Variants in FARP1 observed in about 807,000 individuals in gnomAD.
The protein encoded by FARP1 is FERM, ARHGEF and pleckstrin domain-containing protein 1.
Under a neutral mutation model 128.8 loss-of-function variants are expected in FARP1, and 52 were observed. The ratio of observed to expected loss-of-function variants is 0.40; its 90% CI spans 0.32 to 0.51. The LOEUF (loss-of-function observed/expected upper bound fraction) is 0.51, where lower values mean the gene tolerates loss of function less well. FARP1 is among the 20% of genes least tolerant of loss of function. The probability of loss-of-function intolerance (pLI) is 0.45; values close to 1 mark genes in which losing one functional copy is unlikely to be tolerated. For synonymous variants in FARP1, 580 were observed against 551.8 expected, an observed-to-expected ratio of 1.05 and a Z score of -0.72; for missense variants, 1,333 against 1,367.9, an observed-to-expected ratio of 0.97 and a Z score of 0.40.
intron 1 of FARP1, among the ~76,000 whole-genome samples, chr13:98,207,212 T>C (rs1350378265): frequency 6.6e-6 from 1 of 152,134 alleles, no homozygotes; most frequent in Non-Finnish European, 1.5e-5. Context: ...AGAGAGAAAG[T>C]ATGACATACT....
intron 3 of FARP1, among the ~76,000 whole-genome samples, chr13:98,350,420 C>T (rs1888367512): frequency 6.6e-6 from 1 of 152,150 alleles, no homozygotes; most frequent in Non-Finnish European, 1.5e-5. Flanking sequence ...CTTACAGTGT[C>T]CCCCGTTACT....
chr13:98,249,258 G>A (rs1314366789), intron 2 of FARP1, among the ~76,000 whole-genome samples: 7 of 152,150 alleles, frequency 4.6e-5, no homozygotes, highest in South Asian at 2.1e-4. Flanking sequence ...GGTATCTTTT[G>A]TGATGCTTTA....
intron 3 of FARP1, among the ~76,000 whole-genome samples, chr13:98,364,294 C>T (rs1409496295): frequency 2.0e-5 from 3 of 152,130 alleles, no homozygotes; most frequent in Non-Finnish European, 2.9e-5. Context: ...AAGATGGTGC[C>T]TGCTTCCCTG....
At chr13:98,210,165 A>G (rs1959191858) in intron 1 of FARP1, among the ~76,000 whole-genome samples, 1 of 152,034 alleles carries the variant, frequency 6.6e-6, no homozygotes, top group South Asian at 2.1e-4. Context: ...AATGTGAGTG[A>G]GACGCAGCTC....
chr13:98,395,984 T>G lies in FARP1; in HGVS notation c.1414+508T>G, dbSNP rs932788014. On this transcript the variant is annotated intron_variant, in intron 13 of 26. Coordinates refer to ENST00000319562, the MANE Select transcript of FARP1 (RefSeq NM_005766.4). ...GAGGGGAGTATGGGAGAAGACACTCTCCCGGACCAGGGTCCTCCTTATGAA... is the reference window on the plus strand; with the variant it reads ...GAGGGGAGTATGGGAGAAGACACTCGCCCGGACCAGGGTCCTCCTTATGAA... 1.4e-4 allele frequency: 55 copies of G among 399,032 alleles called. No homozygotes were observed. In the Middle Eastern group the frequency reaches 1.9e-3, roughly 14 times the overall value. 24.7% of individuals were successfully genotyped at this position (399,032 alleles called of 1,614,324 possible). A position where few individuals can be genotyped will look rare whatever the true frequency, so the allele number is the denominator to read the frequency against.
At chr13:98,224,495 C>G (rs1881621005) in intron 2 of FARP1, among the ~76,000 whole-genome samples, 1 of 140,314 alleles carries the variant, frequency 7.1e-6, no homozygotes, top group African/African-American at 2.7e-5. Context: ...CCACTGCACT[C>G]CAGCCTGGGC....
At chr13:98,347,592 C>G (rs1888234232) in intron 3 of FARP1, among the ~76,000 whole-genome samples, 1 of 152,206 alleles carries the variant, frequency 6.6e-6, no homozygotes, top group Non-Finnish European at 1.5e-5. Flanking sequence ...AGGCCAAATA[C>G]CATTTCCATT....
At chr13:98,228,754 A>C (rs1881939991) in intron 2 of FARP1, among the ~76,000 whole-genome samples, 1 of 152,124 alleles carries the variant, frequency 6.6e-6, no homozygotes, top group Non-Finnish European at 1.5e-5. Flanking sequence ...AGATTACCTA[A>C]TTCTAAGGAT....
At position 98,390,793 on chromosome 13, in the gene FARP1, G is replaced by A; in HGVS notation, c.1020-19G>A. On this transcript the variant is annotated intron_variant, in intron 10 of 26. Coordinates refer to ENST00000319562, the MANE Select transcript of FARP1 (RefSeq NM_005766.4). The stretch of plus-strand genomic sequence containing the variant: ...TGCCTTGGTATTTCTCCCCTTCCCT[G>A]TTGTGGTCTCTGTTTCAGTGGTCGG... 1 of 1,600,582 alleles carries A rather than the reference G, an allele frequency of 6.2e-7. No individual in the cohort carries two copies. The highest frequency in any genetic ancestry group is 8.6e-7 in the Non-Finnish European group (1 of 1,167,874).
chr13:98,402,895 T>C (rs551183716), intron 13 of FARP1: 15 of 152,240 alleles, frequency 9.9e-5, no homozygotes, highest in Non-Finnish European at 1.5e-4. Flanking sequence ...TAGAAAAGGC[T>C]GGGGACTTCA....
chr13:98,342,872 A>T (rs1474372189), intron 2 of FARP1, among the ~76,000 whole-genome samples: 1 of 151,674 alleles, frequency 6.6e-6, no homozygotes, highest in Non-Finnish European at 1.5e-5. Flanking sequence ...TAAAAATATA[A>T]AATTAGCTTG....
chr13:98,323,680 T>G (rs1047683747), intron 2 of FARP1, among the ~76,000 whole-genome samples: 3 of 152,098 alleles, frequency 2.0e-5, no homozygotes, highest in African/African-American at 7.3e-5. Flanking sequence ...GTCATTAACT[T>G]TTTACTTTTA....
intron 2 of FARP1, among the ~76,000 whole-genome samples, chr13:98,298,238 C>T (rs1885782467): frequency 6.6e-6 from 1 of 152,174 alleles, no homozygotes; most frequent in Non-Finnish European, 1.5e-5. Flanking sequence ...CTTGGTTATC[C>T]CATTTTGCCA....
In FARP1 at chr13:98,411,982, C is replaced by T. The variant is rs1891210124; in HGVS notation, c.1774C>T (p.His592Tyr). The T allele has an allele frequency of 6.2e-7, 1 of 1,614,000 alleles. No homozygotes were observed. The highest frequency in any genetic ancestry group is 8.5e-7 in the Non-Finnish European group (1 of 1,179,850). Residue 592 changes from histidine (H) to tyrosine (Y), a missense_variant, in exon 16 of 27, where the codon CAC becomes TAC. By Grantham distance (83) the His-to-Tyr change is moderately conservative (BLOSUM62 2). This residue lies in a region of FARP1 where 1,009 missense variants were observed against 969.8 expected (regional missense o/e 1.04). Transcript: ENST00000319562. ...CATATTCCCGAATTTTGAACCTTTG[C>T]ACAAATTTCATACTAATTTTCTCAA... is the stretch of plus-strand genomic sequence containing the variant. ...SLIFPNFEPL[H>Y]KFHTNFLKEI...
In FARP1 at chr13:98,448,079, C is replaced by T. The variant is rs143065489; in HGVS notation, c.3057-157C>T. ...GTGGGTCTCCACTGTACCTCAGGAA[C>T]GCCTGGGTGCTGGCTGTTCCCTTGC... is the stretch of plus-strand genomic sequence containing the variant. On this transcript the variant is annotated intron_variant, in intron 26 of 26. Coordinates refer to ENST00000319562, the MANE Select transcript of FARP1 (RefSeq NM_005766.4). 707 of 661,002 alleles carry T rather than the reference C, an allele frequency of 1.1e-3. 9 individuals are homozygous for T. The East Asian group carries it at 0.016, about 15-fold the overall frequency. The allele number at this position is 661,002 out of a possible 1,614,324, so 40.9% of individuals were successfully genotyped here.
chr13:98,152,681 C>T (rs1876097397), intron 1 of FARP1, among the ~76,000 whole-genome samples: 2 of 152,180 alleles, frequency 1.3e-5, no homozygotes, highest in Admixed American at 6.5e-5. Context: ...AGCATCATGA[C>T]TGATATATTA....
At chr13:98,230,444 T>C (rs1263707890) in intron 2 of FARP1, among the ~76,000 whole-genome samples, 1 of 152,196 alleles carries the variant, frequency 6.6e-6, no homozygotes, top group Non-Finnish European at 1.5e-5. Context: ...TTAGATTATG[T>C]CTTTGCAGTT....
intron 2 of FARP1, among the ~76,000 whole-genome samples, chr13:98,270,632 T>C (rs1884347090): frequency 6.6e-6 from 1 of 152,190 alleles, no homozygotes; most frequent in Non-Finnish European, 1.5e-5. Context: ...ACCAGCTTCA[T>C]GATAGCCTGA....
chr13:98,268,530 C>T (rs547552269), intron 2 of FARP1, among the ~76,000 whole-genome samples: 1 of 152,086 alleles, frequency 6.6e-6, no homozygotes, highest in African/African-American at 2.4e-5. Context: ...TGCAGTGGCG[C>T]GATCTCAGCT....
Sources: gnomAD v4.1 joint callset for allele counts (sites outside exome capture counted in the v4.1 genomes callset) on GRCh38, gnomAD v4.1.1 for gene constraint, gnomAD v4.1.1 regional missense constraint, MANE v1.5 for transcripts, NCBI Gene and HGNC (gene_info 2026-07-23, HGNC 2026-07-21) for gene names.